Variants in SIPA1L2 observed in about 807,000 individuals in gnomAD.
SIPA1L2 encodes the protein signal-induced proliferation-associated 1-like protein 2.
SIPA1L2 carries 56 observed loss-of-function variants against 163.9 expected under a neutral mutation model. That is an observed-to-expected ratio of 0.34 (90% CI 0.28 to 0.43). SIPA1L2 has a LOEUF of 0.43. SIPA1L2 is among the 20% of genes least tolerant of loss of function. SIPA1L2 has a pLI of 1.00. For missense variants in SIPA1L2, 1,974 were observed against 2,193.5 expected (o/e 0.90, Z 2.00); for synonymous variants, 877 against 865.7 (o/e 1.01, Z -0.23).
rs563926059 is a variant in SIPA1L2 at position 232,518,389 on chromosome 1, C to T, written c.-269-2781G>A. Reference sequence around the variant, plus strand: ...TGGCCAGTTAAGAATACCTCCTTCCCTGGCCACAATTATTGGTCCTGGGAT... The same window carrying T: ...TGGCCAGTTAAGAATACCTCCTTCCTTGGCCACAATTATTGGTCCTGGGAT... On this transcript the variant is annotated intron_variant, in intron 2 of 22. Transcript: ENST00000674635. 7.8e-4 allele frequency among the ~76,000 whole-genome samples: 119 copies of T among 152,290 alleles called. 2 individuals carry two copies. Among genetic ancestry groups the T allele is most frequent in the Non-Finnish European group, 1.3e-3 (88 of 68,032 alleles).
At chr1:232,414,124 C>T (rs1661112085) in intron 19 of SIPA1L2, among the ~76,000 whole-genome samples, 1 of 146,796 alleles carries the variant, frequency 6.8e-6, no homozygotes, top group Non-Finnish European at 1.5e-5. Context: ...GCAGACAGGG[C>T]TCTTCTGAAA....
intron 19 of SIPA1L2, among the ~76,000 whole-genome samples, chr1:232,411,818 A>G (rs1420992135): frequency 6.6e-6 from 1 of 152,186 alleles, no homozygotes; most frequent in South Asian, 2.1e-4. Context: ...TGTCATATTC[A>G]TTAATTCTTC....
chr1:232,630,045 C>A lies in SIPA1L2; in HGVS notation c.-495G>T, dbSNP rs1232881739. 6.7e-6 allele frequency among the ~76,000 whole-genome samples: 1 copy of A among 150,188 alleles called. No individual in the cohort carries two copies. Among genetic ancestry groups the A allele is most frequent in the Non-Finnish European group, 1.5e-5 (1 of 67,280 alleles). ...GCTGGCTGCGGCTGGAGCTCTCGGC[C>A]TGCGCTCGGGCGGCCGGCGGGGGCG... On this transcript the variant is annotated 5_prime_UTR_variant, in exon 1 of 23. In the 5' UTR this introduces an upstream ATG that the reference lacks. Transcript: ENST00000674635.
At chr1:232,475,735 CAA>C (rs1665013042) in intron 7 of SIPA1L2, among the ~76,000 whole-genome samples, 2 of 152,116 alleles carry the variant, frequency 1.3e-5, no homozygotes, top group Admixed American at 6.6e-5. Flanking sequence ...TTACCAATAA[CAA>C]GAGCAAATGT....
intron 1 of SIPA1L2, among the ~76,000 whole-genome samples, chr1:232,600,582 G>C (rs568271706): frequency 6.6e-6 from 1 of 152,284 alleles, no homozygotes; most frequent in East Asian, 1.9e-4. Flanking sequence ...TTCTGCCCAA[G>C]GGTGTCTGTT....
intron 3 of SIPA1L2, among the ~76,000 whole-genome samples, chr1:232,502,547 TATC>T (rs1666533707): frequency 6.6e-6 from 1 of 151,980 alleles, no homozygotes; most frequent in African/African-American, 2.4e-5. Flanking sequence ...TTCCCCTTTT[TATC>T]AAAGATGGCA....
chr1:232,594,190 C>G (rs1021343723), intron 1 of SIPA1L2, among the ~76,000 whole-genome samples: 1 of 152,138 alleles, frequency 6.6e-6, no homozygotes, highest in Non-Finnish European at 1.5e-5. Context: ...GAGTGTGACT[C>G]CTACTGATTC....
At chr1:232,569,611 G>A (rs1272529018) in intron 2 of SIPA1L2, among the ~76,000 whole-genome samples, 1 of 152,186 alleles carries the variant, frequency 6.6e-6, no homozygotes, top group Non-Finnish European at 1.5e-5. Context: ...TGAGGAGTTC[G>A]AGACCAGCCT....
At chr1:232,436,925 G>C (rs191967593) in intron 15 of SIPA1L2, among the ~76,000 whole-genome samples, 1 of 152,304 alleles carries the variant, frequency 6.6e-6, no homozygotes, top group Non-Finnish European at 1.5e-5. Flanking sequence ...GAAAAGGGCA[G>C]TCAAGTGGTA....
At chr1:232,549,972 A>G (rs888964110) in intron 2 of SIPA1L2, among the ~76,000 whole-genome samples, 1 of 152,168 alleles carries the variant, frequency 6.6e-6, no homozygotes, top group African/African-American at 2.4e-5. Context: ...TGTGACAGTG[A>G]ATTTCTTTTT....
intron 16 of SIPA1L2, among the ~76,000 whole-genome samples, chr1:232,430,891 G>A (rs78682492): frequency 0.019 from 2,922 of 152,166 alleles, 89 homozygotes; most frequent in African/African-American, 0.067. Context: ...GAGCTCCAGC[G>A]GAGACACAAT....
chr1:232,456,602 A>G (rs1663933549), intron 10 of SIPA1L2, among the ~76,000 whole-genome samples: 4 of 152,218 alleles, frequency 2.6e-5, no homozygotes, highest in African/African-American at 9.7e-5. Flanking sequence ...CATAATTCTG[A>G]TGAGTTGTTA....
chr1:232,457,564 T>G (rs988444172), intron 10 of SIPA1L2, among the ~76,000 whole-genome samples: 2 of 152,108 alleles, frequency 1.3e-5, no homozygotes, highest in African/African-American at 2.4e-5. Flanking sequence ...TCTGAGAAAG[T>G]TGGAGGTCAT....
intron 1 of SIPA1L2, among the ~76,000 whole-genome samples, chr1:232,622,711 A>C (rs1022789364): frequency 1.3e-5 from 2 of 152,222 alleles, no homozygotes; most frequent in African/African-American, 4.8e-5. Context: ...CCCTCTTCAG[A>C]AACTTCCACA....
chr1:232,598,858 T>G (rs1326122690), intron 1 of SIPA1L2, among the ~76,000 whole-genome samples: 2 of 150,728 alleles, frequency 1.3e-5, no homozygotes, highest in Non-Finnish European at 2.9e-5. Context: ...ACCAAGCAAG[T>G]AGAGACTGGT....
intron 1 of SIPA1L2, among the ~76,000 whole-genome samples, chr1:232,583,972 C>T (rs959987595): frequency 2.0e-5 from 3 of 152,142 alleles, no homozygotes; most frequent in Admixed American, 6.5e-5. Flanking sequence ...AACTAGAATC[C>T]CTTTTGCCCA....
At chr1:232,460,853 G>A in intron 10 of SIPA1L2, 34 bp downstream of exon 10, 5 of 1,598,636 alleles carry the variant, frequency 3.1e-6, no homozygotes, top group Non-Finnish European at 3.4e-6. Context: ...AGGCAAAGGA[G>A]GAGTGAGCAT....
In SIPA1L2 at chr1:232,558,723, T is replaced by C. The variant is rs748581017; in HGVS notation, c.-270+15451A>G. 2.6e-5 allele frequency among the ~76,000 whole-genome samples: 4 copies of C among 152,200 alleles called. No individual in the cohort carries two copies. The East Asian group carries it at 7.7e-4, about 29-fold the overall frequency. On this transcript the variant is annotated intron_variant, in intron 2 of 22. Transcript: ENST00000674635. ...ACTAACTGGCATTTCTCCTGGCTGA[T>C]GCATGATCCTAAATCTTCGTTTTTA...
At chr1:232,581,569 T>G (rs1573119550) in intron 1 of SIPA1L2, among the ~76,000 whole-genome samples, 1 of 152,226 alleles carries the variant, frequency 6.6e-6, no homozygotes, top group Non-Finnish European at 1.5e-5. Context: ...TTTCTTTTTT[T>G]GCTTAAGTTA....
Sources: gnomAD v4.1 joint callset for allele counts (sites outside exome capture counted in the v4.1 genomes callset) on GRCh38, gnomAD v4.1.1 for gene constraint, MANE v1.5 for transcripts, NCBI Gene and HGNC (gene_info 2026-07-23, HGNC 2026-07-21) for gene names.